The following QTMAN variants were observed in gnomAD, a reference collection of about 807,000 sequenced individuals.
QTMAN encodes tRNA-queuosine alpha-mannosyltransferase.
chr2:144,246,658 T>C, the QTMAN span, among the ~76,000 whole-genome samples: 1 of 150,686 alleles, frequency 6.6e-6, no homozygotes, highest in Non-Finnish European at 1.5e-5. Flanking sequence ...ATATAGAGTC[T>C]CAATTTACTG....
At chr2:144,146,945 A>C in the QTMAN span, among the ~76,000 whole-genome samples, 2 of 151,850 alleles carry the variant, frequency 1.3e-5, no homozygotes, top group Non-Finnish European at 2.9e-5. Context: ...CACAGATATG[A>C]ATTGGTTGCA....
chr2:144,116,347 C>A, the QTMAN span, among the ~76,000 whole-genome samples: 2 of 150,588 alleles, frequency 1.3e-5, no homozygotes, highest in African/African-American at 4.9e-5. Flanking sequence ...TGTGTGTGTG[C>A]ATGTGTGTGT....
chr2:143,956,673 A>G, the QTMAN span, among the ~76,000 whole-genome samples: 1 of 151,984 alleles, frequency 6.6e-6, no homozygotes, highest in Non-Finnish European at 1.5e-5. Flanking sequence ...CATTTTATTC[A>G]TTTATCTGGG....
the QTMAN span, among the ~76,000 whole-genome samples, chr2:144,093,121 T>A: frequency 6.6e-6 from 1 of 152,168 alleles, no homozygotes; most frequent in East Asian, 1.9e-4. Context: ...TGAGAAAGCA[T>A]GCTGGTCATA....
the QTMAN span, among the ~76,000 whole-genome samples, chr2:144,041,655 G>A: frequency 6.6e-6 from 1 of 152,184 alleles, no homozygotes; most frequent in Non-Finnish European, 1.5e-5. Context: ...TGTGTCCTGT[G>A]ACTTCAAGGA....
the QTMAN span, among the ~76,000 whole-genome samples, chr2:144,087,749 G>C: frequency 1.3e-5 from 2 of 151,952 alleles, no homozygotes; most frequent in Non-Finnish European, 2.9e-5. Context: ...AAAATTCAAA[G>C]TCCTTTCATT....
chr2:144,271,827 C>T, the QTMAN span, among the ~76,000 whole-genome samples: 6 of 152,276 alleles, frequency 3.9e-5, no homozygotes, highest in African/African-American at 1.4e-4. Context: ...TATTCCACTA[C>T]CTTTGCCTCA....
the QTMAN span, among the ~76,000 whole-genome samples, chr2:144,160,702 G>T: frequency 6.6e-6 from 1 of 152,090 alleles, no homozygotes; most frequent in Non-Finnish European, 1.5e-5. Flanking sequence ...CAGTCAACAG[G>T]TATTCAATGA....
At chr2:144,094,702 G>A in the QTMAN span, among the ~76,000 whole-genome samples, 1,188 of 152,290 alleles carry the variant, frequency 7.8e-3, 16 homozygotes, top group African/African-American at 0.027. Context: ...GAAGATTATG[G>A]AGATTACAGT....
the QTMAN span, among the ~76,000 whole-genome samples, chr2:144,193,045 G>A: frequency 6.6e-6 from 1 of 152,084 alleles, no homozygotes; most frequent in East Asian, 1.9e-4. Flanking sequence ...GTATTAGAAA[G>A]TCAGTCTCAT....
At chr2:143,957,783 C>T in the QTMAN span, among the ~76,000 whole-genome samples, 21 of 152,108 alleles carry the variant, frequency 1.4e-4, no homozygotes, top group South Asian at 2.1e-4. Flanking sequence ...AATGGCATTC[C>T]GTGCTTAAAT....
chr2:144,261,230 T>C, the QTMAN span, among the ~76,000 whole-genome samples: 1 of 152,180 alleles, frequency 6.6e-6, no homozygotes, highest in African/African-American at 2.4e-5. Flanking sequence ...ATCTCATAAC[T>C]GTGTTGCTCT....
At chr2:144,002,326 T>A in the QTMAN span, among the ~76,000 whole-genome samples, 1 of 151,978 alleles carries the variant, frequency 6.6e-6, no homozygotes, top group Non-Finnish European at 1.5e-5. Context: ...TAAGCTAAAC[T>A]AGTTGTCTTT....
the QTMAN span, among the ~76,000 whole-genome samples, chr2:144,166,061 T>C: frequency 6.6e-6 from 1 of 152,118 alleles, no homozygotes; most frequent in African/African-American, 2.4e-5. Context: ...GTATGTGAAA[T>C]GTCAACCTGT....
At chr2:144,175,670 CAGAG>C in the QTMAN span, among the ~76,000 whole-genome samples, 76 of 148,310 alleles carry the variant, frequency 5.1e-4, no homozygotes, top group South Asian at 8.7e-3. Flanking sequence ...TATATATTTA[CAGAG>C]AGAGAGAGAG....
chr2:143,977,104 T>C, the QTMAN span, among the ~76,000 whole-genome samples: 26 of 152,328 alleles, frequency 1.7e-4, no homozygotes, highest in East Asian at 5.0e-3. Flanking sequence ...ATCTTTTGTA[T>C]TTGTAGTTAT....
chr2:144,313,777 G>GT, the QTMAN span, among the ~76,000 whole-genome samples: 1,021 of 144,072 alleles, frequency 7.1e-3, 10 homozygotes, highest in African/African-American at 0.019. Context: ...TATCATTAGA[G>GT]TTTTTTTTTT....
the QTMAN span, among the ~76,000 whole-genome samples, chr2:144,102,378 C>T: frequency 6.6e-6 from 1 of 152,208 alleles, no homozygotes; most frequent in African/African-American, 2.4e-5. Flanking sequence ...TTGAGGCTTA[C>T]AGGTATACTA....
At chr2:143,979,076 T>C in the QTMAN span, among the ~76,000 whole-genome samples, 1 of 152,042 alleles carries the variant, frequency 6.6e-6, no homozygotes, top group Non-Finnish European at 1.5e-5. Context: ...ACCAGGGAGC[T>C]TAAAACCATG....
Sources: allele counts gnomAD v4.1 joint callset (sites outside exome capture counted in the v4.1 genomes callset), GRCh38; gene constraint gnomAD v4.1.1; transcripts MANE v1.5; gene names NCBI Gene and HGNC (gene_info 2026-07-23, HGNC 2026-07-21).